STK32B: variants seen among roughly 807,000 people sequenced by gnomAD.
STK32B encodes the protein serine/threonine kinase 32B.
In STK32B, 43 loss-of-function variants were observed where a neutral mutation model predicts 52.6. The observed-to-expected ratio is 0.82, with a 90% CI of 0.64 to 1.05. The LOEUF (loss-of-function observed/expected upper bound fraction) is 1.05, where lower values mean the gene tolerates loss of function less well. Ranked by LOEUF, STK32B falls within the 50% of genes least tolerant of loss-of-function variation. The probability of loss-of-function intolerance (pLI) is 0.00; values close to 1 mark genes in which losing one functional copy is unlikely to be tolerated. For synonymous variants in STK32B, 238 were observed against 204.3 expected (o/e 1.17, Z -1.41); for missense variants, 621 against 534.6 (o/e 1.16, Z -1.59).
At chr4:5,484,145 T>C (rs191059935) in intron 11 of STK32B, among the ~76,000 whole-genome samples, 134 of 152,350 alleles carry the variant, frequency 8.8e-4, no homozygotes, top group African/African-American at 3.2e-3. Flanking sequence ...GATATCCTTC[T>C]TAACTTTGTG....
At chr4:5,085,646 A>T (rs1712692249) in intron 1 of STK32B, among the ~76,000 whole-genome samples, 1 of 152,206 alleles carries the variant, frequency 6.6e-6, no homozygotes, top group African/African-American at 2.4e-5. Context: ...CCATAGTTTC[A>T]TAAAAGCAAT....
chr4:5,146,078 A>T (rs1716892959), intron 2 of STK32B, among the ~76,000 whole-genome samples: 2 of 150,252 alleles, frequency 1.3e-5, no homozygotes, highest in Admixed American at 6.6e-5. Flanking sequence ...TAGTATGGAC[A>T]TCAGTTTCTT....
At chr4:5,019,896 G>C in the STK32B span, among the ~76,000 whole-genome samples, 3 of 152,142 alleles carry the variant, frequency 2.0e-5, no homozygotes, top group African/African-American at 7.2e-5. Flanking sequence ...GGACTAGCAG[G>C]GGATGACTGA....
rs1032493670 is a variant in STK32B, at chr4:5,051,754, A to G, written c.-110A>G. On this transcript the variant is annotated 5_prime_UTR_variant, in exon 1 of 12. Transcript: ENST00000282908. ...GCCCCCTCGGGCTCCGCGCGCGGCT[A>G]CAACCCGGACTGGGCGCGCCCCCGG... is the stretch of plus-strand genomic sequence containing the variant. 5 of 1,475,504 alleles carry G rather than the reference A, an allele frequency of 3.4e-6. No homozygotes were observed. Among genetic ancestry groups the G allele is most frequent in the African/African-American group, 1.4e-5 (1 of 70,196 alleles). 91.4% of individuals were successfully genotyped at this position (1,475,504 alleles called of 1,614,324 possible).
At chr4:5,225,855 A>G (rs1285547335) in intron 3 of STK32B, among the ~76,000 whole-genome samples, 1 of 152,198 alleles carries the variant, frequency 6.6e-6, no homozygotes, top group Non-Finnish European at 1.5e-5. Context: ...TTTGCTTAGT[A>G]ACTCTGAAAA....
rs112393336 is a variant in STK32B at position 5,499,296 on chromosome 4, C to T, written c.*213C>T. 0.064 allele frequency: 33,132 copies of T among 514,028 alleles called. 1,351 individuals are homozygous for T. Among genetic ancestry groups the T allele is most frequent in the Non-Finnish European group, 0.078 (25,235 of 323,012 alleles). The allele number at this position is 514,028 out of a possible 1,614,324, so 31.8% of individuals were successfully genotyped here. A position where few individuals can be genotyped will look rare whatever the true frequency, so the allele number is the denominator to read the frequency against. On this transcript the variant is annotated 3_prime_UTR_variant, in exon 12 of 12. Transcript: ENST00000282908. ...ACAAGTCACGCCCTCTCTGTGCCTC[C>T]GTTTTCTGCATCTGCCAAAGGGGTT...
chr4:5,420,260 A>G (rs1410503277), intron 6 of STK32B, among the ~76,000 whole-genome samples: 1 of 152,206 alleles, frequency 6.6e-6, no homozygotes, highest in Non-Finnish European at 1.5e-5. Context: ...TATCCATATA[A>G]GTGAATTCAT....
At position 5,225,885 on chromosome 4, in the gene STK32B, C is replaced by T. The variant is rs542739897; in HGVS notation, c.260+57435C>T. Among the ~76,000 whole-genome samples, 4 of 152,274 alleles carry T rather than the reference C, an allele frequency of 2.6e-5. No individual in the cohort carries two copies. The East Asian group carries it at 7.7e-4, about 29-fold the overall frequency. Reference sequence around the variant, plus strand: ...TGAAAATGAGTGCTTAGGAGGTGTGCTGCACAGTGGGAAGCAGGAGAATTT... The same window carrying T: ...TGAAAATGAGTGCTTAGGAGGTGTGTTGCACAGTGGGAAGCAGGAGAATTT... On this transcript the variant is annotated intron_variant, in intron 3 of 11. Transcript: ENST00000282908.
chr4:5,330,113 AG>A (rs1391608092), intron 3 of STK32B, among the ~76,000 whole-genome samples: 2 of 152,190 alleles, frequency 1.3e-5, no homozygotes, highest in Non-Finnish European at 2.9e-5. Context: ...TGACTCACCA[AG>A]TCCCTTCTTC....
intron 3 of STK32B, among the ~76,000 whole-genome samples, chr4:5,281,041 C>A (rs963612368): frequency 3.3e-5 from 5 of 152,094 alleles, no homozygotes; most frequent in Non-Finnish European, 7.4e-5. Context: ...AGGAAACTTA[C>A]AGTCATAGTG....
At chr4:5,278,528 G>A (rs753749) in intron 3 of STK32B, among the ~76,000 whole-genome samples, 48,266 of 152,036 alleles carry the variant, frequency 0.32, 12,532 homozygotes, top group African/African-American at 0.72. Context: ...AAATCTGTCC[G>A]TCAGCACAAG....
chr4:5,221,932 C>T (rs139737623), intron 3 of STK32B, among the ~76,000 whole-genome samples: 12 of 151,724 alleles, frequency 7.9e-5, no homozygotes, highest in African/African-American at 2.4e-4. Flanking sequence ...GATTAGGCCA[C>T]CAGGTCTCCT....
At chr4:5,220,873 C>T (rs1723485933) in intron 3 of STK32B, among the ~76,000 whole-genome samples, 2 of 152,118 alleles carry the variant, frequency 1.3e-5, no homozygotes, top group South Asian at 4.1e-4. Flanking sequence ...TTCTCCCTCT[C>T]CTCTTTATCA....
chr4:5,430,690 G>A (rs185666528), intron 6 of STK32B, among the ~76,000 whole-genome samples: 2 of 152,058 alleles, frequency 1.3e-5, no homozygotes, highest in Admixed American at 1.3e-4. Flanking sequence ...TTACTACTAT[G>A]CTTTTAGTTT....
In STK32B at chr4:5,396,156, C is replaced by T. The variant is rs563753326; in HGVS notation, c.435-2051C>T. 1.5e-4 allele frequency among the ~76,000 whole-genome samples: 23 copies of T among 152,324 alleles called. No homozygotes were observed. The South Asian group carries it at 3.7e-3, about 25-fold the overall frequency. The stretch of plus-strand genomic sequence containing the variant: ...ATACAAATTTATTCTCTCATAATTC[C>T]GGCCAGAAGTCCAAAATCAAAGAGG... On this transcript the variant is annotated intron_variant, in intron 4 of 11. Coordinates refer to ENST00000282908, the MANE Select transcript of STK32B (RefSeq NM_018401.3). This position sits in a 1 kb window ranked among gnomAD's most constrained non-coding sequence, Gnocchi z 4.7.
At chr4:5,093,530 G>T (rs547422023) in intron 1 of STK32B, among the ~76,000 whole-genome samples, 1 of 152,070 alleles carries the variant, frequency 6.6e-6, no homozygotes, top group African/African-American at 2.4e-5. Context: ...CGTGGACACA[G>T]GAAGGGGAAC....
chr4:5,327,176 C>T (rs368181915), intron 3 of STK32B, among the ~76,000 whole-genome samples: 2 of 151,944 alleles, frequency 1.3e-5, no homozygotes, highest in African/African-American at 2.4e-5. Context: ...ACTTTTACCA[C>T]GTCTGCAGTT....
At chr4:5,433,090 G>A (rs1713733667) in intron 6 of STK32B, among the ~76,000 whole-genome samples, 1 of 152,112 alleles carries the variant, frequency 6.6e-6, no homozygotes, top group Admixed American at 6.5e-5. Context: ...TGGGATTAAA[G>A]AGCCCCAGGC....
At chr4:5,111,294 A>G (rs1714389823) in intron 1 of STK32B, among the ~76,000 whole-genome samples, 1 of 152,140 alleles carries the variant, frequency 6.6e-6, no homozygotes, top group Non-Finnish European at 1.5e-5. Context: ...ATTATTACAC[A>G]AAAAAGACAC....
Sources: allele counts gnomAD v4.1 joint callset (sites outside exome capture counted in the v4.1 genomes callset), GRCh38; gene constraint gnomAD v4.1.1; non-coding constraint Gnocchi (gnomAD v3.1); transcripts MANE v1.5; gene names NCBI Gene and HGNC (gene_info 2026-07-23, HGNC 2026-07-21).